The following SHTN1 variants were observed in gnomAD, a reference collection of about 807,000 sequenced individuals.
SHTN1 encodes the protein shootin-1.
Under a neutral mutation model 83.1 loss-of-function variants are expected in SHTN1, and 42 were observed. The ratio of observed to expected loss-of-function variants is 0.51; its 90% CI spans 0.39 to 0.65. The LOEUF is 0.65. Ranked by LOEUF, SHTN1 falls within the 30% of genes least tolerant of loss-of-function variation. SHTN1 has a pLI of 0.00. For synonymous variants in SHTN1, 224 were observed against 247.7 expected, an observed-to-expected ratio of 0.90 and a Z score of 0.90; for missense variants, 622 against 737.8, an observed-to-expected ratio of 0.84 and a Z score of 1.82.
intron 3 of SHTN1, among the ~76,000 whole-genome samples, chr10:116,966,822 C>T (rs1158670216): frequency 1.3e-5 from 2 of 152,100 alleles, no homozygotes; most frequent in African/African-American, 2.4e-5. Context: ...GCATATTAAC[C>T]GGTAACAATG....
chr10:117,084,456 T>A (rs376700829), intron 1 of SHTN1, among the ~76,000 whole-genome samples: 3 of 152,292 alleles, frequency 2.0e-5, no homozygotes, highest in South Asian at 2.1e-4. Context: ...TCAGACAGGG[T>A]CATTTAAGTC....
intron 3 of SHTN1, among the ~76,000 whole-genome samples, chr10:116,965,335 G>A (rs1360068174): frequency 6.6e-6 from 1 of 152,126 alleles, no homozygotes; most frequent in Non-Finnish European, 1.5e-5. Flanking sequence ...TGGCCAACAT[G>A]GTGAAACCCC....
chr10:117,061,054 G>A (rs547845176), intron 1 of SHTN1, among the ~76,000 whole-genome samples: 14 of 151,816 alleles, frequency 9.2e-5, no homozygotes. Flanking sequence ...ACCTTTGCTG[G>A]CAATGTTCAT....
chr10:116,921,544 G>A, intron 11 of SHTN1, 28 bp from the exon 12 acceptor site: 7 of 1,533,240 alleles, frequency 4.6e-6, no homozygotes, highest in Non-Finnish European at 6.3e-6. Context: ...AGATCAACAG[G>A]AGATTACTGG....
intron 2 of SHTN1, among the ~76,000 whole-genome samples, chr10:117,020,746 T>A (rs1852249176): frequency 6.6e-6 from 1 of 151,986 alleles, no homozygotes; most frequent in Non-Finnish European, 1.5e-5. Context: ...CTTCTCAACC[T>A]GAGGGAAGCA....
At chr10:117,023,676 G>A (rs999070993) in intron 2 of SHTN1, 1 of 152,576 alleles carries the variant, frequency 6.6e-6, no homozygotes, top group African/African-American at 2.4e-5. Flanking sequence ...ACCACATTCT[G>A]GCCACAAAAT....
At chr10:116,910,144 C>A (rs1181537127) in intron 14 of SHTN1, among the ~76,000 whole-genome samples, 2 of 152,126 alleles carry the variant, frequency 1.3e-5, no homozygotes, top group Non-Finnish European at 2.9e-5. Context: ...CTCCAGGTGA[C>A]AGGGAATTAC....
chr10:116,968,781 A>G, intron 2 of SHTN1, 69 bp from the exon 3 acceptor site: 1 of 1,227,438 alleles, frequency 8.1e-7, no homozygotes, highest in Non-Finnish European at 1.2e-6. Context: ...GGCAAGCAAG[A>G]GCAAACTTAT....
chr10:117,025,355 T>C (rs1852320145), intron 2 of SHTN1, among the ~76,000 whole-genome samples: 1 of 152,148 alleles, frequency 6.6e-6, no homozygotes, highest in Admixed American at 6.5e-5. Flanking sequence ...AAGCCAGCCC[T>C]GGGCAGAGGA....
chr10:116,915,371 A>G lies in SHTN1; in HGVS notation c.1305+4T>C, dbSNP rs754478084. On this transcript the variant is annotated splice_donor_region_variant and intron_variant, in intron 13 of 16. Transcript: ENST00000355371. ...AGGGAAAAAAGCATTCAGTCACTCC[A>G]TACCTTTGTCTTCGGTCTGGCTGTC... The G allele has an allele frequency of 6.8e-7, 1 of 1,472,506 alleles. No homozygotes were observed. Among genetic ancestry groups the G allele is most frequent in the South Asian group, 1.1e-5 (1 of 87,896 alleles). The allele number at this position is 1,472,506 out of a possible 1,614,324, so 91.2% of individuals were successfully genotyped here.
chr10:116,901,069 C>T (rs1286421335), intron 16 of SHTN1: 3 of 985,408 alleles, frequency 3.0e-6, no homozygotes, highest in Non-Finnish European at 3.6e-6. Context: ...TTCGGCTGAT[C>T]TGATTTGTCT....
At chr10:116,988,307 TAC>T (rs372435695) in intron 1 of SHTN1, among the ~76,000 whole-genome samples, 216 of 148,240 alleles carry the variant, frequency 1.5e-3, no homozygotes, top group African/African-American at 4.2e-3. Flanking sequence ...AAAAAGCTAA[TAC>T]ACACACACAC....
At chr10:116,957,319 T>C (rs1423090949) in intron 4 of SHTN1, among the ~76,000 whole-genome samples, 3 of 150,676 alleles carry the variant, frequency 2.0e-5, no homozygotes, top group South Asian at 4.3e-4. Flanking sequence ...AGCTGCGTGA[T>C]TTCAGCTCAC....
chr10:117,054,022 C>T (rs1282997303), intron 1 of SHTN1, among the ~76,000 whole-genome samples: 1 of 152,176 alleles, frequency 6.6e-6, no homozygotes, highest in Non-Finnish European at 1.5e-5. Flanking sequence ...ATTTCATTCA[C>T]ATAAAATATC....
intron 8 of SHTN1, among the ~76,000 whole-genome samples, chr10:116,942,156 C>T (rs1849396033): frequency 1.3e-5 from 2 of 151,984 alleles, no homozygotes; most frequent in African/African-American, 4.8e-5. Context: ...GTATCTTAAA[C>T]TTCAGACCAG....
intron 1 of SHTN1, among the ~76,000 whole-genome samples, chr10:116,983,669 T>C (rs975562651): frequency 4.3e-5 from 3 of 69,682 alleles, no homozygotes; most frequent in African/African-American, 1.1e-4. Flanking sequence ...GATAGATAGA[T>C]AGATAGATAG....
chr10:117,104,741 T>C (rs1325328109), intron 1 of SHTN1, among the ~76,000 whole-genome samples: 1 of 152,178 alleles, frequency 6.6e-6, no homozygotes, highest in Non-Finnish European at 1.5e-5. Flanking sequence ...GCCACTGCAC[T>C]GCAGCCTGGG....
intron 2 of SHTN1, among the ~76,000 whole-genome samples, chr10:117,019,804 G>A (rs905316459): frequency 1.3e-5 from 2 of 149,894 alleles, no homozygotes; most frequent in African/African-American, 5.0e-5. Flanking sequence ...TCCACAGTGG[G>A]TGACAGAGTG....
intron 6 of SHTN1, among the ~76,000 whole-genome samples, chr10:116,951,511 G>C (rs1376797570): frequency 2.0e-5 from 3 of 152,172 alleles, no homozygotes; most frequent in African/African-American, 7.2e-5. Context: ...CTGTGTTGGA[G>C]ATGCACAGAG....
Sources: allele counts gnomAD v4.1 joint callset (sites outside exome capture counted in the v4.1 genomes callset), GRCh38; gene constraint gnomAD v4.1.1; transcripts MANE v1.5; gene names NCBI Gene and HGNC (gene_info 2026-07-23, HGNC 2026-07-21).